STARD13: variants seen among roughly 807,000 people sequenced by gnomAD.
STARD13 encodes stAR-related lipid transfer protein 13.
Under a neutral mutation model 106.4 loss-of-function variants are expected in STARD13, and 62 were observed. That is an observed-to-expected ratio of 0.58 (90% CI 0.48 to 0.72). STARD13 has a LOEUF of 0.72. Ranked by LOEUF, STARD13 falls within the 30% of genes least tolerant of loss-of-function variation. The pLI is 0.00. For synonymous variants in STARD13, 565 were observed against 553.0 expected (o/e 1.02, Z -0.31); for missense variants, 1,387 against 1,424.0 (o/e 0.97, Z 0.42).
chr13:33,569,527 CTT>C, the STARD13 span, among the ~76,000 whole-genome samples: 2 of 146,792 alleles, frequency 1.4e-5, no homozygotes, highest in African/African-American at 5.0e-5. Flanking sequence ...ATTTAATAGT[CTT>C]ATATAATTAG....
At chr13:33,672,342 A>G in the STARD13 span, among the ~76,000 whole-genome samples, 17 of 152,224 alleles carry the variant, frequency 1.1e-4, no homozygotes, top group South Asian at 2.9e-3. Flanking sequence ...AGGGAAGGGA[A>G]CATCACACAC....
the STARD13 span, among the ~76,000 whole-genome samples, chr13:33,358,369 C>G: frequency 1.3e-5 from 2 of 152,238 alleles, no homozygotes; most frequent in African/African-American, 4.8e-5. Flanking sequence ...AATGTAAGCG[C>G]ACGGCACAGG....
At chr13:33,673,550 C>CTTTTTTTTTTTTTTTTTTT in the STARD13 span, among the ~76,000 whole-genome samples, 28 of 137,182 alleles carry the variant, frequency 2.0e-4, no homozygotes, top group African/African-American at 8.1e-4. Context: ...ACTATTAACT[C>CTTTTTTTTTTTTTTTTTTT]TTTTTTTTTT....
At chr13:33,356,100 G>C in the STARD13 span, among the ~76,000 whole-genome samples, 2 of 152,082 alleles carry the variant, frequency 1.3e-5, no homozygotes, top group Non-Finnish European at 2.9e-5. Flanking sequence ...GTACACTTTG[G>C]GGGGACCATG....
chr13:33,467,030 C>T, the STARD13 span, among the ~76,000 whole-genome samples: 1 of 151,678 alleles, frequency 6.6e-6, no homozygotes, highest in Non-Finnish European at 1.5e-5. Flanking sequence ...TGACTGGGAC[C>T]ACAGTGGGGG....
chr13:33,491,515 C>T, the STARD13 span, among the ~76,000 whole-genome samples: 1 of 152,106 alleles, frequency 6.6e-6, no homozygotes, highest in African/African-American at 2.4e-5. Flanking sequence ...CTATATGGTA[C>T]ATTTCATCAG....
the STARD13 span, among the ~76,000 whole-genome samples, chr13:33,655,586 C>T: frequency 1.8e-4 from 27 of 152,090 alleles, no homozygotes; most frequent in East Asian, 3.7e-3. Flanking sequence ...TTTATTGGAC[C>T]GGAGACACTT....
At chr13:33,166,136 G>A (rs1333505743) in intron 2 of STARD13, among the ~76,000 whole-genome samples, 1 of 151,984 alleles carries the variant, frequency 6.6e-6, no homozygotes, top group East Asian at 1.9e-4. Flanking sequence ...ATCTCATCTT[G>A]TATTTTGTGC....
At chr13:33,645,935 A>T in the STARD13 span, among the ~76,000 whole-genome samples, 5 of 152,328 alleles carry the variant, frequency 3.3e-5, no homozygotes, top group East Asian at 9.6e-4. Context: ...GCAACTAATT[A>T]AGAATTCTGT....
the STARD13 span, among the ~76,000 whole-genome samples, chr13:33,415,722 G>A: frequency 1.3e-5 from 2 of 151,762 alleles, no homozygotes; most frequent in African/African-American, 4.9e-5. Flanking sequence ...AAAAATAAAG[G>A]CCAAAAGCTT....
the STARD13 span, among the ~76,000 whole-genome samples, chr13:33,523,430 A>G: frequency 2.6e-5 from 4 of 152,116 alleles, no homozygotes; most frequent in South Asian, 2.1e-4. Flanking sequence ...TTTCATATTT[A>G]TTTGTAAAAT....
intron 1 of STARD13, among the ~76,000 whole-genome samples, chr13:33,282,319 A>T (rs1891828307): frequency 6.6e-6 from 1 of 152,194 alleles, no homozygotes; most frequent in African/African-American, 2.4e-5. Context: ...TAGAGAAATG[A>T]TGCATGTATG....
At chr13:33,582,542 G>A in the STARD13 span, among the ~76,000 whole-genome samples, 6 of 152,218 alleles carry the variant, frequency 3.9e-5, no homozygotes, top group East Asian at 3.9e-4. Flanking sequence ...GTATATCTAC[G>A]AATACCTGTT....
At chr13:33,145,169 T>A (rs1184634358) in intron 3 of STARD13, among the ~76,000 whole-genome samples, 1 of 152,220 alleles carries the variant, frequency 6.6e-6, no homozygotes, top group Non-Finnish European at 1.5e-5. Flanking sequence ...TAAAGAATTC[T>A]TAAACTCAGT....
intron 1 of STARD13, among the ~76,000 whole-genome samples, chr13:33,248,645 T>G (rs1889949397): frequency 6.6e-6 from 1 of 152,136 alleles, no homozygotes; most frequent in Non-Finnish European, 1.5e-5. Flanking sequence ...TCTCCTTCAT[T>G]TATCTTCTTT....
chr13:33,397,301 A>G, the STARD13 span, among the ~76,000 whole-genome samples: 1 of 152,174 alleles, frequency 6.6e-6, no homozygotes, highest in Non-Finnish European at 1.5e-5. Flanking sequence ...TCTCAGGAGC[A>G]AGGGGCAGGC....
chr13:33,438,859 A>G, the STARD13 span, among the ~76,000 whole-genome samples: 2 of 152,222 alleles, frequency 1.3e-5, no homozygotes, highest in African/African-American at 4.8e-5. Context: ...GCTGGCACCA[A>G]TGCAGATAAG....
chr13:33,365,048 G>A, the STARD13 span, among the ~76,000 whole-genome samples: 1 of 151,848 alleles, frequency 6.6e-6, no homozygotes, highest in Non-Finnish European at 1.5e-5. Flanking sequence ...AGAGGTGACT[G>A]CAAGAGGTAA....
At chr13:33,440,078 A>G in the STARD13 span, among the ~76,000 whole-genome samples, 1 of 152,288 alleles carries the variant, frequency 6.6e-6, no homozygotes, top group East Asian at 1.9e-4. Flanking sequence ...GGAGTTCGAA[A>G]TCAGACTGGG....
Sources: allele counts gnomAD v4.1 joint callset (sites outside exome capture counted in the v4.1 genomes callset), GRCh38; gene constraint gnomAD v4.1.1; transcripts MANE v1.5; gene names NCBI Gene and HGNC (gene_info 2026-07-23, HGNC 2026-07-21).